COL22A1: variants seen among roughly 807,000 people sequenced by gnomAD.
The protein encoded by COL22A1 is collagen type XXII alpha 1 chain.
COL22A1 carries 221 observed loss-of-function variants against 248.9 expected under a neutral mutation model. That is an observed-to-expected ratio of 0.89 (90% confidence interval 0.80 to 0.99). COL22A1 has a LOEUF of 0.99. COL22A1 is among the 50% of genes least tolerant of loss of function. The pLI is 0.00. For missense variants in COL22A1, 2,240 were observed against 2,179.0 expected (o/e 1.03, Z -0.56); for synonymous variants, 891 against 793.4 (o/e 1.12, Z -2.07).
chr8:138,836,954 G>A (rs1206207484), intron 4 of COL22A1, among the ~76,000 whole-genome samples: 1 of 152,186 alleles, frequency 6.6e-6, no homozygotes, highest in Non-Finnish European at 1.5e-5. Context: ...TATGTTTAAC[G>A]CAGCCCAAGG....
At chr8:138,877,605 G>A in intron 3 of COL22A1, 145 bp downstream of exon 3, 4 of 757,488 alleles carry the variant, frequency 5.3e-6, no homozygotes, top group Non-Finnish European at 8.1e-6. Context: ...CCAAGAATGT[G>A]GGTCCCCTCA....
intron 5 of COL22A1, among the ~76,000 whole-genome samples, chr8:138,828,368 C>G (rs1320272): frequency 0.52 from 79,482 of 151,594 alleles, 21,721 homozygotes; most frequent in East Asian, 0.67. Context: ...GTTGTGACAA[C>G]AAAATTGCCT....
At chr8:138,843,713 ACT>A (rs1019137840) in intron 4 of COL22A1, among the ~76,000 whole-genome samples, 2 of 152,012 alleles carry the variant, frequency 1.3e-5, no homozygotes, top group Non-Finnish European at 2.9e-5. Flanking sequence ...TATATTTATA[ACT>A]CTGATTCACT....
intron 11 of COL22A1, among the ~76,000 whole-genome samples, chr8:138,799,187 T>C (rs1417873120): frequency 6.6e-6 from 1 of 152,214 alleles, no homozygotes; most frequent in Non-Finnish European, 1.5e-5. Context: ...TCTTTATTGA[T>C]ATTCTGTATT....
chr8:138,851,366 T>G (rs1821634270), intron 3 of COL22A1, among the ~76,000 whole-genome samples: 1 of 152,034 alleles, frequency 6.6e-6, no homozygotes, highest in Non-Finnish European at 1.5e-5. Flanking sequence ...AGGAGAGGAA[T>G]GGGAAAATGC....
chr8:138,619,589 A>G (rs1819600456), intron 52 of COL22A1, 81 bp from the exon 53 acceptor site: 2 of 1,361,374 alleles, frequency 1.5e-6, no homozygotes, highest in South Asian at 2.3e-5. Context: ...GTTTCCTACC[A>G]ATCTATTCCC....
At chr8:138,660,574 G>T in intron 43 of COL22A1, 94 bp from the exon 44 acceptor site, 1 of 1,081,564 alleles carries the variant, frequency 9.2e-7, no homozygotes, top group Non-Finnish European at 1.4e-6. Flanking sequence ...TATCTGCTAA[G>T]TGTAACTCAG....
At chr8:138,620,992 T>C (rs4988699) in intron 52 of COL22A1, among the ~76,000 whole-genome samples, 7,684 of 128,342 alleles carry the variant, frequency 0.06, 231 homozygotes, top group Admixed American at 0.11. Flanking sequence ...CATCCATCCA[T>C]CCACCCATCC....
chr8:138,719,648 A>C (rs1197865640), intron 27 of COL22A1, among the ~76,000 whole-genome samples: 7 of 152,214 alleles, frequency 4.6e-5, no homozygotes, highest in Non-Finnish European at 7.3e-5. Flanking sequence ...GCCCACCAGC[A>C]CCTTCCCTGG....
chr8:138,636,751 T>C lies in COL22A1; in HGVS notation c.3546A>G (p.Lys1182=), dbSNP rs1821213957. The C allele has an allele frequency of 1.9e-6, 3 of 1,613,188 alleles. No homozygotes were observed. The highest frequency in any genetic ancestry group is 1.7e-4 in the Middle Eastern group (1 of 6,058). The change falls in exon 48 of 65, where the codon AAA becomes AAG. Residue 1182 remains lysine (K), a synonymous_variant. Transcript: ENST00000303045. The part of the protein sequence containing the change: ...ERGADGEVGQ[K]GDQGHPGVPG... The stretch of plus-strand genomic sequence containing the variant: ...TAAAGTAAATTTTTACCTGATCACC[T>C]TTCTGCCCAACCTCACCATCTGCAC...
chr8:138,790,674 A>G (rs1815953157), intron 12 of COL22A1, among the ~76,000 whole-genome samples: 1 of 152,220 alleles, frequency 6.6e-6, no homozygotes, highest in African/African-American at 2.4e-5. Context: ...TGGACAGCAC[A>G]AGGTGTGTCT....
chr8:138,880,835 G>A lies in COL22A1; in HGVS notation c.91+2247C>T, dbSNP rs186663920. 1.4e-4 allele frequency among the ~76,000 whole-genome samples: 22 copies of A among 152,338 alleles called. No homozygotes were observed. In the East Asian group the frequency reaches 4.1e-3, roughly 28 times the overall value. On this transcript the variant is annotated intron_variant, in intron 2 of 64. Coordinates refer to ENST00000303045, the MANE Select transcript of COL22A1 (RefSeq NM_152888.3). Reference sequence around the variant, plus strand: ...TGCTGCTGAGGGCCAGGCAGAACCCGGCCTGCAGACTGTAATCCTAGAACA... The same window carrying A: ...TGCTGCTGAGGGCCAGGCAGAACCCAGCCTGCAGACTGTAATCCTAGAACA...
At chr8:138,666,141 T>C (rs188942170) in intron 41 of COL22A1, among the ~76,000 whole-genome samples, 107 of 152,344 alleles carry the variant, frequency 7.0e-4, no homozygotes, top group African/African-American at 2.5e-3. Context: ...ACCAAATGAA[T>C]GATAAATCAC....
At chr8:138,766,878 G>A (rs1285924153) in intron 16 of COL22A1, among the ~76,000 whole-genome samples, 1 of 152,248 alleles carries the variant, frequency 6.6e-6, no homozygotes, top group East Asian at 1.9e-4. Context: ...CAGACTTGCT[G>A]CTGTTGATTG....
In COL22A1 at chr8:138,821,153, C is replaced by T. The variant is rs150603745; in HGVS notation, c.1228G>A (p.Asp410Asn). 36 of 1,613,992 alleles carry T rather than the reference C, an allele frequency of 2.2e-5. No individual in the cohort carries two copies. The highest frequency in any genetic ancestry group is 1.3e-4 in the Admixed American group (8 of 59,992). The change falls in exon 7 of 65, where the codon GAC becomes AAC. Residue 410 changes from aspartate to asparagine, a missense_variant. Physicochemically the swap from Asp to Asn is conservative, Grantham distance 23. Transcript: ENST00000303045. Reference sequence around the variant, plus strand: ...GTACTCACGTCAATGGGCACACTGTCGTAGAGGCGCTTGCCAATCACAGTC... The same window carrying T: ...GTACTCACGTCAATGGGCACACTGTTGTAGAGGCGCTTGCCAATCACAGTC... Reference protein sequence around the residue: ...GKTVIGKRLYDSVPIDFDLQR... With the variant: ...GKTVIGKRLYNSVPIDFDLQR...
In COL22A1 at chr8:138,741,105, A is replaced by T. The variant is rs1456831748; in HGVS notation, c.2086-3528T>A. Among the ~76,000 whole-genome samples the T allele has an allele frequency of 2.0e-5, 3 of 152,180 alleles. No individual in the cohort carries two copies. The East Asian group carries it at 5.8e-4, about 29-fold the overall frequency. On this transcript the variant is annotated intron_variant, in intron 22 of 64. Transcript: ENST00000303045. ...CAAATGGACTGCTTAGCTCAGCCCC[A>T]AATACCCACTTAGGACTTCTGATGC...
intron 3 of COL22A1, among the ~76,000 whole-genome samples, chr8:138,873,504 G>C (rs1004154575): frequency 2.6e-5 from 4 of 152,150 alleles, no homozygotes; most frequent in African/African-American, 9.7e-5. Flanking sequence ...TAGGCACTGA[G>C]GTACCACAAG....
chr8:138,658,579 C>T (rs950045565), intron 44 of COL22A1, among the ~76,000 whole-genome samples: 1 of 152,200 alleles, frequency 6.6e-6, no homozygotes, highest in Non-Finnish European at 1.5e-5. Flanking sequence ...GTCTGCACAA[C>T]TTCACTGGGA....
At chr8:138,671,500 A>T (rs1186339951) in intron 41 of COL22A1, among the ~76,000 whole-genome samples, 1 of 152,226 alleles carries the variant, frequency 6.6e-6, no homozygotes, top group Non-Finnish European at 1.5e-5. Flanking sequence ...ATGCTGCGTG[A>T]TTCTAATCAT....
Sources: gnomAD v4.1 joint callset for allele counts (sites outside exome capture counted in the v4.1 genomes callset) on GRCh38, gnomAD v4.1.1 for gene constraint, MANE v1.5 for transcripts, NCBI Gene and HGNC (gene_info 2026-07-23, HGNC 2026-07-21) for gene names.